The following AGAP5 variants were observed in gnomAD, a reference collection of about 807,000 sequenced individuals.
AGAP5 encodes the protein ArfGAP with GTPase domain, ankyrin repeat and PH domain 5.
Under a neutral mutation model 27.7 loss-of-function variants are expected in AGAP5, and 8 were observed. The ratio of observed to expected loss-of-function variants is 0.29; its 90% confidence interval spans 0.17 to 0.52. AGAP5 has a LOEUF of 0.52. Among genes scored for constraint, AGAP5 ranks in the 20% least tolerant of loss-of-function variants. The pLI is 0.97. For synonymous variants in AGAP5, 111 were observed against 338.0 expected (o/e 0.33, Z 7.37); for missense variants, 285 against 880.8 (o/e 0.32, Z 8.56).
intron 6 of AGAP5, among the ~76,000 whole-genome samples, chr10:73,679,496 G>T (rs2082007689): frequency 6.6e-6 from 1 of 151,938 alleles, no homozygotes; most frequent in Non-Finnish European, 1.5e-5. Context: ...TGCAAAGAAA[G>T]CTCTAGAGAA....
intron 4 of AGAP5, among the ~76,000 whole-genome samples, chr10:73,687,539 A>T (rs192637428): frequency 1.3e-5 from 2 of 152,378 alleles, no homozygotes; most frequent in Admixed American, 1.3e-4. Flanking sequence ...AAACAGCTCC[A>T]TATATGTTGT....
chr10:73,682,391 TAA>T (rs2082030840), intron 5 of AGAP5: 1 of 557,052 alleles, frequency 1.8e-6, no homozygotes, highest in South Asian at 7.8e-5. Flanking sequence ...ATTGAAAAAC[TAA>T]GTTTCCACAA....
At chr10:73,697,344 C>A (rs946029437) in intron 1 of AGAP5, among the ~76,000 whole-genome samples, 181 bp from the exon 2 acceptor site, 7 of 151,968 alleles carry the variant, frequency 4.6e-5, no homozygotes, top group Non-Finnish European at 8.8e-5. Flanking sequence ...AAGAAACTGA[C>A]TGGACTCGGT....
Position 73,675,482 on chromosome 10 carries a change from G to C in AGAP5, c.1178C>G (p.Pro393Arg), listed in dbSNP as rs1294826301. Residue 393 changes from proline to arginine, a missense_variant, in exon 8 of 8, where the codon CCC becomes CGC. Coordinates refer to ENST00000374094, the MANE Select transcript of AGAP5 (RefSeq NM_001144000.4). Reference protein sequence around the residue: ...STTSPKLNPPPSPHANKKKHL... With the variant: ...STTSPKLNPPRSPHANKKKHL... ...TTTCTTTTTATTGGCATGAGGAGAG[G>C]GGGGCGGGTTGAGCTTGGGGCTGGT... 9.3e-6 allele frequency: 15 copies of C among 1,613,342 alleles called. No individual in the cohort carries two copies. Among genetic ancestry groups the C allele is most frequent in the Admixed American group, 3.3e-5 (2 of 59,936 alleles).
At chr10:73,689,161 A>AT (rs1180600689) in intron 4 of AGAP5, among the ~76,000 whole-genome samples, 1 of 152,202 alleles carries the variant, frequency 6.6e-6, no homozygotes, top group Admixed American at 6.5e-5. Context: ...TGGTGTTCGT[A>AT]TTTTTTTGGT....
At chr10:73,696,632 G>A (rs1181768145) in intron 2 of AGAP5, among the ~76,000 whole-genome samples, 1 of 152,180 alleles carries the variant, frequency 6.6e-6, no homozygotes, top group Non-Finnish European at 1.5e-5. Context: ...ACTCCTTTGA[G>A]AAACCCCAAA....
chr10:73,686,068 T>C (rs959957392), intron 4 of AGAP5, among the ~76,000 whole-genome samples: 23 of 152,166 alleles, frequency 1.5e-4, no homozygotes, highest in African/African-American at 5.6e-4. Flanking sequence ...CTGAAATTTA[T>C]ATGGACCAAA....
In AGAP5 at chr10:73,675,152, GAGCAT is replaced by G. The variant is rs1565001253; in HGVS notation, c.1503_1507del (p.Glu501AspfsTer21). ...GGTGCCAAGACTGCGGTGGATTCCTGAGCATTCAATACACATGAGGACTCCCAAGT... is the reference window on the plus strand; with the variant it reads ...GGTGCCAAGACTGCGGTGGATTCCTGTCAATACACATGAGGACTCCCAAGT... On this transcript the variant is annotated frameshift_variant, in exon 8 of 8. Coordinates refer to ENST00000374094, the MANE Select transcript of AGAP5 (RefSeq NM_001144000.4). LOFTEE classifies it low-confidence loss of function (END_TRUNC). 6.2e-7 allele frequency: 1 copy of G among 1,609,314 alleles called. No individual in the cohort carries two copies. Among genetic ancestry groups the G allele is most frequent in the South Asian group, 1.1e-5 (1 of 90,894 alleles).
At position 73,697,514 on chromosome 10, in the gene AGAP5, G is replaced by A; in HGVS notation, c.223+19C>T. The stretch of plus-strand genomic sequence containing the variant: ...GCCAGAGGCAAACCGAGGGTAGATG[G>A]CACCTATCACCTCCTTACCTTCAGG... On this transcript the variant is annotated intron_variant, in intron 1 of 7. Coordinates refer to ENST00000374094, the MANE Select transcript of AGAP5 (RefSeq NM_001144000.4). The A allele has an allele frequency of 6.2e-7, 1 of 1,611,390 alleles. No individual in the cohort carries two copies. The highest frequency in any genetic ancestry group is 8.5e-7 in the Non-Finnish European group (1 of 1,179,922).
intron 4 of AGAP5, among the ~76,000 whole-genome samples, chr10:73,690,128 C>T (rs1248519825): frequency 1.3e-5 from 2 of 152,206 alleles, no homozygotes; most frequent in African/African-American, 2.4e-5. Context: ...TCATTGAGAA[C>T]GGGCCATGAT....
intron 4 of AGAP5, among the ~76,000 whole-genome samples, chr10:73,690,575 C>T (rs548387575): frequency 2.0e-5 from 3 of 150,276 alleles, no homozygotes; most frequent in South Asian, 4.2e-4. Flanking sequence ...GCCAAATCCC[C>T]CTCTGCGAGA....
intron 4 of AGAP5, among the ~76,000 whole-genome samples, chr10:73,688,694 T>C (rs1334050039): frequency 6.6e-6 from 1 of 151,654 alleles, no homozygotes; most frequent in Non-Finnish European, 1.5e-5. Context: ...ATAACAAGAC[T>C]ATCAGTAAAA....
intron 3 of AGAP5, among the ~76,000 whole-genome samples, chr10:73,693,744 C>G (rs2082138403): frequency 6.6e-6 from 1 of 151,116 alleles, no homozygotes; most frequent in Non-Finnish European, 1.5e-5. Context: ...CTTCCCCTCT[C>G]TCCTCCCTCT....
At chr10:73,692,021 A>C (rs2082123348) in intron 4 of AGAP5, 22 bp downstream of exon 4, 10 of 1,446,976 alleles carry the variant, frequency 6.9e-6, no homozygotes, top group Non-Finnish European at 7.4e-6. Context: ...TCAATTTCTT[A>C]ACTATTTGAG....
At chr10:73,677,967 G>A (rs1178285004) in intron 6 of AGAP5, among the ~76,000 whole-genome samples, 1 of 151,822 alleles carries the variant, frequency 6.6e-6, no homozygotes, top group African/African-American at 2.4e-5. Flanking sequence ...GTTAAATCTT[G>A]ACATGTCTCT....
chr10:73,697,884 C>G lies in AGAP5; in HGVS notation c.-129G>C. On this transcript the variant is annotated 5_prime_UTR_variant, in exon 1 of 8. An upstream open reading frame in the 5' UTR loses its in-frame stop. Transcript: ENST00000374094. Reference sequence around the variant, plus strand: ...CTTCCCGCTCCTCGCCTGCCCACCTCACAGCGCGGCCCCGGGCACCATCCC... The same window carrying G: ...CTTCCCGCTCCTCGCCTGCCCACCTGACAGCGCGGCCCCGGGCACCATCCC... 1 of 1,539,182 alleles carries G rather than the reference C, an allele frequency of 6.5e-7. No homozygotes were observed. The highest frequency in any genetic ancestry group is 8.7e-7 in the Non-Finnish European group (1 of 1,148,682).
chr10:73,697,916 C>CG lies in AGAP5; in HGVS notation c.-162dup, dbSNP rs2082177010. On this transcript the variant is annotated 5_prime_UTR_variant, in exon 1 of 8. Coordinates refer to ENST00000374094, the MANE Select transcript of AGAP5 (RefSeq NM_001144000.4). ...CGGCCCCGGGCACCATCCCTGGCCC[C>CG]GGCCCCGGCCCCGGCTAGGGCTGCG... 6 of 1,529,220 alleles carry CG rather than the reference C, an allele frequency of 3.9e-6. No individual in the cohort carries two copies. In the South Asian group the frequency reaches 7.2e-5, roughly 18 times the overall value. 94.7% of individuals were successfully genotyped at this position (1,529,220 alleles called of 1,614,324 possible). A position where few individuals can be genotyped will look rare whatever the true frequency, so the allele number is the denominator to read the frequency against.
chr10:73,687,516 T>C (rs1351265059), intron 4 of AGAP5, among the ~76,000 whole-genome samples: 4 of 152,226 alleles, frequency 2.6e-5, no homozygotes, highest in Non-Finnish European at 5.9e-5. Flanking sequence ...TCTAACACTT[T>C]GGGCATTCAG....
chr10:73,695,367 T>C (rs2082152836), intron 2 of AGAP5, among the ~76,000 whole-genome samples: 1 of 152,200 alleles, frequency 6.6e-6, no homozygotes, highest in Non-Finnish European at 1.5e-5. Flanking sequence ...AGGGAGAACA[T>C]ACACAGGCCT....
Sources: gnomAD v4.1 joint callset for allele counts (sites outside exome capture counted in the v4.1 genomes callset) on GRCh38, gnomAD v4.1.1 for gene constraint, MANE v1.5 for transcripts, NCBI Gene and HGNC (gene_info 2026-07-23, HGNC 2026-07-21) for gene names.